The following DMXL2 variants were observed in gnomAD, a reference collection of about 807,000 sequenced individuals.
The protein encoded by DMXL2 is Dmx like 2, also known as dmX-like protein 2.
In DMXL2, 103 loss-of-function variants were observed where a neutral mutation model predicts 331.1. That is an observed-to-expected ratio of 0.31 (90% confidence interval 0.27 to 0.37). DMXL2 has a LOEUF of 0.37. Among genes scored for constraint, DMXL2 ranks in the 10% least tolerant of loss-of-function variants. DMXL2 has a pLI of 1.00. For missense variants in DMXL2, 3,171 were observed against 3,642.9 expected (o/e 0.87, Z 3.33); for synonymous variants, 1,281 against 1,252.1 (o/e 1.02, Z -0.49).
At chr15:51,583,359 G>A (rs2051611962) in intron 1 of DMXL2, among the ~76,000 whole-genome samples, 1 of 88,940 alleles carries the variant, frequency 1.1e-5, no homozygotes, top group Non-Finnish European at 2.3e-5. Flanking sequence ...TCCCACCTAT[G>A]AGTGAGAATA....
At chr15:51,602,959 C>T (rs1485861307) in intron 1 of DMXL2, among the ~76,000 whole-genome samples, 1 of 152,120 alleles carries the variant, frequency 6.6e-6, no homozygotes, top group East Asian at 1.9e-4. Flanking sequence ...GAAGAGACAA[C>T]AAGACACAGA....
intron 36 of DMXL2, 44 bp from the exon 37 acceptor site, chr15:51,457,510 C>CT (rs767496812): frequency 3.1e-6 from 5 of 1,598,554 alleles, no homozygotes; most frequent in Non-Finnish European, 3.4e-6. Flanking sequence ...TCCCTTTTCT[C>CT]TTAACACAAA....
rs775437762 is a variant in DMXL2 at position 51,458,808 on chromosome 15, C to G, written c.7990-13G>C. 10 of 1,612,476 alleles carry G rather than the reference C, an allele frequency of 6.2e-6. No homozygotes were observed. Among genetic ancestry groups the G allele is most frequent in the Admixed American group, 1.7e-5 (1 of 59,966 alleles). Reference sequence around the variant, plus strand: ...GATCAGCTTCAACCTAGAAAACATTCATCAGCAGTTTTAGTTGCTGCAGCA... The same window carrying G: ...GATCAGCTTCAACCTAGAAAACATTGATCAGCAGTTTTAGTTGCTGCAGCA... On this transcript the variant is annotated splice_polypyrimidine_tract_variant and intron_variant, in intron 34 of 43. Coordinates refer to ENST00000560891, the MANE Select transcript of DMXL2 (RefSeq NM_001378457.1).
intron 13 of DMXL2, among the ~76,000 whole-genome samples, chr15:51,519,223 C>T (rs59080385): frequency 0.012 from 1,755 of 151,940 alleles, 27 homozygotes; most frequent in East Asian, 0.025. Context: ...CTCAAGTGGT[C>T]CTCCTATCTC....
At chr15:51,621,041 G>A (rs1246924519) in intron 1 of DMXL2, among the ~76,000 whole-genome samples, 3 of 152,160 alleles carry the variant, frequency 2.0e-5, no homozygotes, top group Non-Finnish European at 4.4e-5. Flanking sequence ...TTCTAACCCT[G>A]AGGAACTTCC....
intron 13 of DMXL2, among the ~76,000 whole-genome samples, chr15:51,518,586 T>C (rs1400492981): frequency 6.6e-6 from 1 of 152,174 alleles, no homozygotes; most frequent in Non-Finnish European, 1.5e-5. Flanking sequence ...ATATTAAAGT[T>C]TAAGAAGGAC....
chr15:51,527,224 A>T (rs945002163), intron 13 of DMXL2, among the ~76,000 whole-genome samples: 3 of 152,172 alleles, frequency 2.0e-5, no homozygotes, highest in Non-Finnish European at 4.4e-5. Flanking sequence ...ATAGGCCAGG[A>T]GAAAGGCATG....
At chr15:51,606,322 C>T (rs1028084261) in intron 1 of DMXL2, among the ~76,000 whole-genome samples, 2 of 152,120 alleles carry the variant, frequency 1.3e-5, no homozygotes, top group African/African-American at 4.8e-5. Flanking sequence ...ATTCTTCTGC[C>T]TCAGCCTCCC....
chr15:51,519,140 TA>T lies in DMXL2; in HGVS notation c.2437-1974del, dbSNP rs142675521. Among the ~76,000 whole-genome samples, 608 of 152,256 alleles carry T rather than the reference TA, an allele frequency of 4.0e-3. 5 individuals carry two copies. The highest frequency in any genetic ancestry group is 0.014 in the African/African-American group (590 of 41,538). On this transcript the variant is annotated intron_variant, in intron 13 of 43. Coordinates refer to ENST00000560891, the MANE Select transcript of DMXL2 (RefSeq NM_001378457.1). ...AACTGCACATATGTGTTTTGATGTA[TA>T]TTTTTTTTTAATGGTTAACATTCTT...
At position 51,547,223 on chromosome 15, in the gene DMXL2, A is replaced by C. The variant is rs773268357; in HGVS notation, c.746+7T>G. ...CAAACTAAAGCTACATGATTCATTC[A>C]TCTAACCTGGGCATATACTTGCTAG... is the stretch of plus-strand genomic sequence containing the variant. On this transcript the variant is annotated splice_region_variant and intron_variant, in intron 7 of 43. Transcript: ENST00000560891. 8 of 1,588,638 alleles carry C rather than the reference A, an allele frequency of 5.0e-6. No homozygotes were observed. Among genetic ancestry groups the C allele is most frequent in the Non-Finnish European group, 6.8e-6 (8 of 1,171,356 alleles).
In DMXL2 at chr15:51,547,360, A is replaced by G; in HGVS notation, c.616T>C (p.Ser206Pro). 6.2e-7 allele frequency: 1 copy of G among 1,611,950 alleles called. No homozygotes were observed. Among genetic ancestry groups the G allele is most frequent in the Non-Finnish European group, 8.5e-7 (1 of 1,178,920 alleles). ...TCATGATGATCCTGAGGTATAATTG[A>G]AGACTTCCAACCAGTCATAGGATAC... is the stretch of plus-strand genomic sequence containing the variant. ...VWYPMTGWKS[S>P]IIPQDHHEVK... Residue 206 changes from serine (S) to proline (P), a missense_variant, in exon 7 of 44, where the codon TCA (serine) becomes CCA (proline). Physicochemically the swap from Ser to Pro is moderately conservative, Grantham distance 74. Around this residue, in one of 7 missense-constraint regions of DMXL2, gnomAD observed 1,674 missense variants for 1,780.2 expected, o/e 0.94. Transcript: ENST00000560891.
At chr15:51,593,727 A>G (rs1197442047) in intron 1 of DMXL2, among the ~76,000 whole-genome samples, 1 of 152,256 alleles carries the variant, frequency 6.6e-6, no homozygotes, top group Non-Finnish European at 1.5e-5. Context: ...CTCAGACCAC[A>G]GTGCAATCAA....
At chr15:51,563,570 T>C (rs1468978004) in intron 5 of DMXL2, 123 bp from the exon 6 acceptor site, 7 of 542,820 alleles carry the variant, frequency 1.3e-5, no homozygotes, top group Non-Finnish European at 2.2e-5. Flanking sequence ...TGTTTTTGCT[T>C]CCCTAAAAAT....
rs12101851 is a variant in DMXL2, at chr15:51,556,630, G to A, written c.567+6751C>T. Among the ~76,000 whole-genome samples, 1,512 of 151,922 alleles carry A rather than the reference G, an allele frequency of 1.0e-2. 37 individuals are homozygous for A. Among genetic ancestry groups the A allele is most frequent in the East Asian group, 0.062 (318 of 5,140 alleles). ...TCTACCAAAAATACAAAAATTAACC[G>A]GCATGGTGATGGGTGCCTGTAGTCC... On this transcript the variant is annotated intron_variant, in intron 6 of 43. Transcript: ENST00000560891.
intron 1 of DMXL2, among the ~76,000 whole-genome samples, chr15:51,582,761 C>T (rs1410146016): frequency 2.0e-5 from 3 of 152,032 alleles, no homozygotes; most frequent in Non-Finnish European, 4.4e-5. Flanking sequence ...GTAAATAAGG[C>T]ACATAAAATG....
intron 10 of DMXL2, 80 bp downstream of exon 10, chr15:51,538,132 AG>A: frequency 6.8e-7 from 1 of 1,474,626 alleles, no homozygotes; most frequent in Non-Finnish European, 9.2e-7. Flanking sequence ...AAGAGCGGGA[AG>A]GAAGAATTCA....
At chr15:51,579,738 G>T (rs988961310) in intron 1 of DMXL2, among the ~76,000 whole-genome samples, 2 of 152,136 alleles carry the variant, frequency 1.3e-5, no homozygotes, top group Admixed American at 6.6e-5. Context: ...CTTAAGAAAA[G>T]AGGGAGAGAT....
At chr15:51,622,407 C>T in intron 1 of DMXL2, 52 bp downstream of exon 1, 1 of 1,549,366 alleles carries the variant, frequency 6.5e-7, no homozygotes, top group East Asian at 2.4e-5. Context: ...AGGTCCCTGC[C>T]CCCGCGTCTG....
intron 16 of DMXL2, among the ~76,000 whole-genome samples, chr15:51,506,340 C>T (rs548521244): frequency 1.4e-4 from 22 of 151,788 alleles, no homozygotes; most frequent in African/African-American, 4.8e-4. Flanking sequence ...TGGGATTATA[C>T]GCATGAGCCA....
Sources: allele counts gnomAD v4.1 joint callset (sites outside exome capture counted in the v4.1 genomes callset), GRCh38; gene constraint gnomAD v4.1.1; regional missense constraint gnomAD v4.1.1; transcripts MANE v1.5; gene names NCBI Gene and HGNC (gene_info 2026-07-23, HGNC 2026-07-21).